The following AFF2 variants were observed in gnomAD, a reference collection of about 807,000 sequenced individuals.
AFF2 encodes AF4/FMR2 family member 2.
AFF2 carries 14 observed loss-of-function variants against 76.9 expected under a neutral mutation model. That is an observed-to-expected ratio of 0.18 (90% confidence interval 0.12 to 0.28). AFF2 has a LOEUF of 0.28. AFF2 is among the 10% of genes least tolerant of loss of function. AFF2 has a pLI of 1.00. For synonymous variants in AFF2, 398 were observed against 366.7 expected (o/e 1.09, Z -0.98); for missense variants, 868 against 1,001.1 (o/e 0.87, Z 1.79).
chrX:148,603,689 C>T (rs186435627), intron 1 of AFF2, among the ~76,000 whole-genome samples: 36 of 110,423 alleles, frequency 3.3e-4, no homozygotes, highest in African/African-American at 1.1e-3. Flanking sequence ...ATTTCAGGAA[C>T]ATTTTCTTTT....
At chrX:148,729,321 A>C (rs1557264487) in intron 3 of AFF2, among the ~76,000 whole-genome samples, 1 of 111,677 alleles carries the variant, frequency 9.0e-6, no homozygotes, top group East Asian at 2.8e-4. Flanking sequence ...TGAAAATGGC[A>C]ATGATTAGTG....
chrX:148,871,019 G>T (rs2070967303), intron 7 of AFF2, among the ~76,000 whole-genome samples: 1 of 110,964 alleles, frequency 9.0e-6, no homozygotes, highest in Admixed American at 9.6e-5. Flanking sequence ...ATCATAATTG[G>T]AAACAGTGTC....
At chrX:148,772,647 ATTTG>A (rs1242890050) in intron 3 of AFF2, among the ~76,000 whole-genome samples, 1 of 107,493 alleles carries the variant, frequency 9.3e-6, no homozygotes, top group Non-Finnish European at 1.9e-5. Context: ...TTCAGATGCA[ATTTG>A]TTTGTCCTCT....
At chrX:148,651,577 C>T (rs1603267854) in intron 1 of AFF2, among the ~76,000 whole-genome samples, 1 of 111,768 alleles carries the variant, frequency 8.9e-6, no homozygotes, top group African/African-American at 3.3e-5. Context: ...TCTTCAGCTC[C>T]GTACTTTGAT....
chrX:148,539,697 T>C (rs2052831059), intron 1 of AFF2, among the ~76,000 whole-genome samples: 1 of 110,747 alleles, frequency 9.0e-6, no homozygotes, highest in Admixed American at 9.6e-5. Context: ...TTGAACTAGC[T>C]CCTTCCTGTC....
intron 1 of AFF2, among the ~76,000 whole-genome samples, chrX:148,633,736 T>A (rs1306165480): frequency 8.9e-6 from 1 of 112,678 alleles, no homozygotes; most frequent in Non-Finnish European, 1.9e-5. Flanking sequence ...CCTTTTCACA[T>A]AGACTGGATT....
intron 9 of AFF2, among the ~76,000 whole-genome samples, chrX:148,925,949 C>T (rs1178728104): frequency 3.6e-5 from 4 of 111,815 alleles, no homozygotes; most frequent in African/African-American, 6.5e-5. Context: ...CTTTTCTTAG[C>T]CTTAGTTTCC....
At chrX:148,572,644 T>C (rs1191944175) in intron 1 of AFF2, among the ~76,000 whole-genome samples, 3 of 111,690 alleles carry the variant, frequency 2.7e-5, no homozygotes, top group African/African-American at 9.8e-5. Context: ...GAAAACATTA[T>C]GCTAAGTGAA....
At chrX:148,668,206 G>A (rs1465306781) in intron 3 of AFF2, among the ~76,000 whole-genome samples, 2 of 113,272 alleles carry the variant, frequency 1.8e-5, no homozygotes, top group African/African-American at 6.4e-5. Flanking sequence ...TGCAAGAGGT[G>A]GGTTCCCATG....
chrX:148,762,311 C>T (rs1407763043), intron 3 of AFF2, among the ~76,000 whole-genome samples: 16 of 108,904 alleles, frequency 1.5e-4, no homozygotes, highest in African/African-American at 5.2e-4. Flanking sequence ...GTTTTCCATT[C>T]CTGAGTTACT....
chrX:148,555,256 A>G (rs1289664431), intron 1 of AFF2, among the ~76,000 whole-genome samples: 1 of 112,193 alleles, frequency 8.9e-6, no homozygotes, highest in African/African-American at 3.2e-5. Context: ...GAGTACATTA[A>G]CAAGAGTTTC....
chrX:148,517,741 G>T (rs782430420), intron 1 of AFF2, among the ~76,000 whole-genome samples: 1 of 111,551 alleles, frequency 9.0e-6, no homozygotes, highest in East Asian at 2.8e-4. Flanking sequence ...TTGATGGCTG[G>T]GCGTGGTGGC....
intron 3 of AFF2, among the ~76,000 whole-genome samples, chrX:148,776,573 C>T (rs1223540774): frequency 8.9e-6 from 1 of 112,248 alleles, no homozygotes; most frequent in Non-Finnish European, 1.9e-5. Context: ...GAGATGGTAT[C>T]TCATTGTGGT....
intron 19 of AFF2, among the ~76,000 whole-genome samples, chrX:148,982,145 A>T (rs941105234): frequency 8.9e-5 from 10 of 112,132 alleles, no homozygotes; most frequent in African/African-American, 3.2e-4. Context: ...TTTTTAAAAA[A>T]AATTCTGAAA....
intron 1 of AFF2, among the ~76,000 whole-genome samples, chrX:148,642,743 A>C (rs2054103073): frequency 8.9e-6 from 1 of 112,259 alleles, no homozygotes; most frequent in Admixed American, 9.4e-5. Flanking sequence ...TAGGGCAGGC[A>C]GGCCTGAGGA....
intron 3 of AFF2, among the ~76,000 whole-genome samples, chrX:148,696,190 G>A (rs1311876505): frequency 9.1e-6 from 1 of 110,411 alleles, no homozygotes; most frequent in East Asian, 2.8e-4. Flanking sequence ...TCAGTTCAAG[G>A]GCCTAGGGCT....
chrX:148,927,997 CT>C (rs1294845761), intron 9 of AFF2, among the ~76,000 whole-genome samples: 2 of 111,531 alleles, frequency 1.8e-5, no homozygotes, highest in Non-Finnish European at 3.8e-5. Flanking sequence ...TCAATGAAGC[CT>C]TTGGCTCTGT....
intron 1 of AFF2, among the ~76,000 whole-genome samples, chrX:148,580,903 C>T (rs1200675344): frequency 4.1e-5 from 4 of 98,195 alleles, no homozygotes; most frequent in Non-Finnish European, 8.2e-5. Context: ...TTATAAGAAT[C>T]ATGGAAAGAA....
At chrX:148,673,840 G>A (rs951816243) in intron 3 of AFF2, among the ~76,000 whole-genome samples, 1 of 112,043 alleles carries the variant, frequency 8.9e-6, no homozygotes, top group African/African-American at 3.2e-5. Context: ...ACTTGACTGC[G>A]ACTATGAGAA....
Sources: allele counts gnomAD v4.1 joint callset (sites outside exome capture counted in the v4.1 genomes callset), GRCh38; gene constraint gnomAD v4.1.1; transcripts MANE v1.5; gene names NCBI Gene and HGNC (gene_info 2026-07-23, HGNC 2026-07-21).